Variants in SNX13 observed in about 807,000 individuals in gnomAD.
SNX13 encodes the protein sorting nexin-13.
Under a neutral mutation model 133.6 loss-of-function variants are expected in SNX13, and 45 were observed. The ratio of observed to expected loss-of-function variants is 0.34; its 90% CI spans 0.27 to 0.43. The LOEUF (loss-of-function observed/expected upper bound fraction) is 0.43. SNX13 is among the 20% of genes least tolerant of loss of function. The pLI is 1.00. For missense variants in SNX13, 1,032 were observed against 1,145.1 expected, an observed-to-expected ratio of 0.90 and a Z score of 1.43; for synonymous variants, 414 against 373.9, an observed-to-expected ratio of 1.11 and a Z score of -1.24.
chr7:17,824,801 C>T (rs998489990), intron 17 of SNX13, among the ~76,000 whole-genome samples: 5 of 149,214 alleles, frequency 3.4e-5, no homozygotes, highest in Admixed American at 2.7e-4. Flanking sequence ...GACGGAGTCT[C>T]GCTCTGTCGC....
intron 18 of SNX13, among the ~76,000 whole-genome samples, chr7:17,820,792 T>A (rs1001566720): frequency 2.0e-5 from 3 of 152,104 alleles, no homozygotes; most frequent in African/African-American, 7.2e-5. Context: ...ATACCTAAAA[T>A]CCCTGAATGA....
chr7:17,798,850 G>A (rs1472796246), intron 23 of SNX13, 92 bp from the exon 24 acceptor site: 2 of 1,218,092 alleles, frequency 1.6e-6, no homozygotes, highest in Non-Finnish European at 2.3e-6. Context: ...ACTTAATCTG[G>A]ATGTAAATTA....
rs1474115056 is a variant in SNX13 at position 17,790,772 on chromosome 7, A to C, written c.*3273T>G. 6.6e-6 allele frequency: 1 copy of C among 152,088 alleles called. No homozygotes were observed. The highest frequency in any genetic ancestry group is 1.5e-5 in the Non-Finnish European group (1 of 67,922). 9.4% of individuals were successfully genotyped at this position (152,088 alleles called of 1,614,324 possible). On this transcript the variant is annotated 3_prime_UTR_variant, in exon 26 of 26. Coordinates refer to ENST00000428135, the MANE Select transcript of SNX13 (RefSeq NM_015132.5). The stretch of plus-strand genomic sequence containing the variant: ...GAACTCAACAAAAATGTTTGTTAAT[A>C]CTTTATTAGTATTTTCTAATGGACA...
intron 15 of SNX13, among the ~76,000 whole-genome samples, chr7:17,833,321 T>G (rs946825283): frequency 6.6e-6 from 1 of 151,660 alleles, no homozygotes; most frequent in Non-Finnish European, 1.5e-5. Context: ...ATAAATCATT[T>G]TCAAATGCAT....
chr7:17,873,706 AATAACCAGTTCCCTGGT>A (rs1794378673), intron 7 of SNX13, 90 bp from the exon 8 acceptor site: 1 of 699,168 alleles, frequency 1.4e-6, no homozygotes, highest in Non-Finnish European at 2.2e-6. Flanking sequence ...AAAAGGCAGA[AATAACCAGTTCCCTGGT>A]TACAATGGCT....
In SNX13 at chr7:17,798,743, A is replaced by G. The variant is rs1784321464; in HGVS notation, c.2460T>C (p.His820=). The change falls in exon 24 of 26, where the codon CAT becomes CAC. Residue 820 remains histidine, a synonymous_variant. Coordinates refer to ENST00000428135, the MANE Select transcript of SNX13 (RefSeq NM_015132.5). ...GTTCAGGTGAAGTCATCCAGTCAAC[A>G]TGGTCAACTATTTTTCTGAAAGTAA... ...GDTINRKIVD[H]VDWMTSPEQV... is the part of the protein sequence containing the mutation. 1 of 1,557,320 alleles carries G rather than the reference A, an allele frequency of 6.4e-7. No homozygotes were observed. Among genetic ancestry groups the G allele is most frequent in the South Asian group, 1.2e-5 (1 of 81,384 alleles).
intron 1 of SNX13, among the ~76,000 whole-genome samples, chr7:17,903,477 G>A (rs1798058952): frequency 6.6e-6 from 1 of 152,134 alleles, no homozygotes; most frequent in Non-Finnish European, 1.5e-5. Context: ...TAGGAGTTAG[G>A]ACTAGCTGAA....
chr7:17,913,085 G>A (rs904119641), intron 1 of SNX13, among the ~76,000 whole-genome samples: 2 of 152,184 alleles, frequency 1.3e-5, no homozygotes, highest in Non-Finnish European at 2.9e-5. Flanking sequence ...GTTCTGAGGA[G>A]CGGGAGGGAG....
At chr7:17,880,437 T>C (rs1434039777) in intron 5 of SNX13, 1 of 152,218 alleles carries the variant, frequency 6.6e-6, no homozygotes. Flanking sequence ...AACTGGGATA[T>C]TTAGGCTCAA....
intron 1 of SNX13, among the ~76,000 whole-genome samples, chr7:17,931,087 C>G (rs10216315): frequency 0.55 from 82,945 of 151,954 alleles, 23,168 homozygotes; most frequent in Non-Finnish European, 0.6. Flanking sequence ...CCAGGATTAA[C>G]ACTATTGCAA....
intron 11 of SNX13, among the ~76,000 whole-genome samples, chr7:17,847,700 A>G (rs1328395837): frequency 1.3e-5 from 2 of 152,236 alleles, no homozygotes; most frequent in South Asian, 2.1e-4. Flanking sequence ...AAGAGCAACT[A>G]TCGTTACTGT....
chr7:17,794,019 G>T lies in SNX13; in HGVS notation c.*26C>A. The T allele has an allele frequency of 1.2e-6, 2 of 1,606,204 alleles. No homozygotes were observed. Among genetic ancestry groups the T allele is most frequent in the South Asian group, 2.2e-5 (2 of 90,050 alleles). ...CCATACCATTAGTCCTGGACAAAAT[G>T]AACACCAGCTTCATAGAGTGGAGTG... On this transcript the variant is annotated 3_prime_UTR_variant, in exon 26 of 26. Coordinates refer to ENST00000428135, the MANE Select transcript of SNX13 (RefSeq NM_015132.5).
intron 1 of SNX13, among the ~76,000 whole-genome samples, chr7:17,932,312 C>T (rs1221562011): frequency 6.6e-6 from 1 of 152,130 alleles, no homozygotes; most frequent in Non-Finnish European, 1.5e-5. Context: ...GAATTTCATT[C>T]CTAACTAAAA....
chr7:17,893,258 A>G (rs1796829299), intron 3 of SNX13, 74 bp downstream of exon 3: 3 of 999,378 alleles, frequency 3.0e-6, no homozygotes, highest in East Asian at 2.6e-5. Context: ...GTCACGCTAT[A>G]TATACAGATG....
At chr7:17,875,292 A>C (rs2128355111) in intron 7 of SNX13, among the ~76,000 whole-genome samples, 188 bp downstream of exon 7, 1 of 152,128 alleles carries the variant, frequency 6.6e-6, no homozygotes, top group South Asian at 2.1e-4. Flanking sequence ...ATTAAAGATG[A>C]CCTTTAAAGA....
chr7:17,816,569 G>A (rs974928399), intron 18 of SNX13, among the ~76,000 whole-genome samples: 1 of 152,038 alleles, frequency 6.6e-6, no homozygotes, highest in Non-Finnish European at 1.5e-5. Flanking sequence ...GATGAGGGAG[G>A]AGAGAATAGC....
In SNX13 at chr7:17,794,285, C is replaced by A; in HGVS notation, c.2634G>T (p.Leu878=). ...TKLLAIMPDE[L]KHIIGAETTR... is the part of the protein sequence containing the mutation. ...TTGTCTCAGCCCCAATAATGTGCTT[C>A]AGCTCATCTAAATGAAGTGGAGGAA... Residue 878 remains leucine (L), a synonymous_variant, in exon 26 of 26, where the codon CTG becomes CTT. Coordinates refer to ENST00000428135, the MANE Select transcript of SNX13 (RefSeq NM_015132.5). 6.2e-7 allele frequency: 1 copy of A among 1,608,376 alleles called. No homozygotes were observed. The highest frequency in any genetic ancestry group is 8.5e-7 in the Non-Finnish European group (1 of 1,177,084).
chr7:17,927,256 T>C (rs1800866042), intron 1 of SNX13, among the ~76,000 whole-genome samples: 1 of 150,902 alleles, frequency 6.6e-6, no homozygotes, highest in African/African-American at 2.4e-5. Flanking sequence ...TATATATATA[T>C]ATTAGAAACA....
At chr7:17,911,285 A>T (rs558166065) in intron 1 of SNX13, among the ~76,000 whole-genome samples, 1 of 152,336 alleles carries the variant, frequency 6.6e-6, no homozygotes, top group African/African-American at 2.4e-5. Flanking sequence ...TCTGAAAAAC[A>T]AAGTGTGAAG....
Sources: allele counts gnomAD v4.1 joint callset (sites outside exome capture counted in the v4.1 genomes callset), GRCh38; gene constraint gnomAD v4.1.1; transcripts MANE v1.5; gene names NCBI Gene and HGNC (gene_info 2026-07-23, HGNC 2026-07-21).